Variants in ALCAM observed in about 807,000 individuals in gnomAD.
ALCAM encodes the protein CD166 antigen.
ALCAM carries 30 observed loss-of-function variants against 70.9 expected under a neutral mutation model. That is an observed-to-expected ratio of 0.42 (90% CI 0.32 to 0.57). The LOEUF (loss-of-function observed/expected upper bound fraction) is 0.57, where lower values mean the gene tolerates loss of function less well. Ranked by LOEUF, ALCAM falls within the 20% of genes least tolerant of loss-of-function variation. The pLI, the probability that ALCAM is intolerant of heterozygous loss-of-function variation, is 0.11. For missense variants in ALCAM, 591 were observed against 695.1 expected, an observed-to-expected ratio of 0.85 and a Z score of 1.68; for synonymous variants, 249 against 242.5, an observed-to-expected ratio of 1.03 and a Z score of -0.25.
At chr3:105,371,272 T>C (rs938880635) in intron 1 of ALCAM, among the ~76,000 whole-genome samples, 1 of 152,192 alleles carries the variant, frequency 6.6e-6, no homozygotes, top group African/African-American at 2.4e-5. Context: ...GTAAGAATGT[T>C]GTGACCTTGG....
chr3:105,524,469 GACA>G lies in ALCAM; in HGVS notation c.358_360del (p.Asn120del). On this transcript the variant is annotated inframe_deletion, in exon 3 of 16. Transcript: ENST00000306107. ...ATTTGTGTGCATGCTAGTAACTGAGGACAACGTGTTTGAGGCACCTACAATAGT... is the reference window on the plus strand; with the variant it reads ...ATTTGTGTGCATGCTAGTAACTGAGGACGTGTTTGAGGCACCTACAATAGT... 1 of 1,614,094 alleles carries G rather than the reference GACA, an allele frequency of 6.2e-7. No homozygotes were observed. Among genetic ancestry groups the G allele is most frequent in the Non-Finnish European group, 8.5e-7 (1 of 1,179,986 alleles).
chr3:105,449,122 A>G (rs1346401087), intron 1 of ALCAM, among the ~76,000 whole-genome samples: 1 of 152,236 alleles, frequency 6.6e-6, no homozygotes, highest in Non-Finnish European at 1.5e-5. Flanking sequence ...TTGCATATTT[A>G]CATATGAATA....
At chr3:105,459,160 T>A (rs1337375957) in intron 1 of ALCAM, among the ~76,000 whole-genome samples, 1 of 152,124 alleles carries the variant, frequency 6.6e-6, no homozygotes, top group Non-Finnish European at 1.5e-5. Context: ...TCCTCCAGAA[T>A]GCAGAATATT....
rs959602551 is a variant in ALCAM at position 105,424,931 on chromosome 3, T to C, written c.73+57450T>C. Among the ~76,000 whole-genome samples the C allele has an allele frequency of 2.0e-5, 3 of 151,798 alleles. No individual in the cohort carries two copies. The East Asian group carries it at 5.8e-4, about 29-fold the overall frequency. On this transcript the variant is annotated intron_variant, in intron 1 of 15. Transcript: ENST00000306107. ...AAATCAAAATGGAATACATGCTATG[T>C]GTCTGCCCTTGTGTTTAGCACCATG...
chr3:105,392,563 A>T (rs927317619), intron 1 of ALCAM, among the ~76,000 whole-genome samples: 1 of 150,822 alleles, frequency 6.6e-6, no homozygotes, highest in African/African-American at 2.4e-5. Context: ...GGGTTTTTTT[A>T]TGCCTCTATC....
At chr3:105,566,418 T>C (rs1940744932) in intron 14 of ALCAM, among the ~76,000 whole-genome samples, 1 of 152,240 alleles carries the variant, frequency 6.6e-6, no homozygotes, top group African/African-American at 2.4e-5. Flanking sequence ...TCCTTATATA[T>C]GAAACCTTTG....
At chr3:105,380,101 T>A (rs1935479956) in intron 1 of ALCAM, among the ~76,000 whole-genome samples, 1 of 151,820 alleles carries the variant, frequency 6.6e-6, no homozygotes, top group African/African-American at 2.4e-5. Context: ...TCTTTTAAAA[T>A]TACTCTGCCT....
intron 1 of ALCAM, among the ~76,000 whole-genome samples, chr3:105,380,518 A>G (rs1263553360): frequency 6.6e-6 from 1 of 151,872 alleles, no homozygotes; most frequent in Admixed American, 6.6e-5. Context: ...TCTAAGATTC[A>G]AAACTATATT....
At chr3:105,450,388 T>A (rs908473253) in intron 1 of ALCAM, among the ~76,000 whole-genome samples, 1 of 152,160 alleles carries the variant, frequency 6.6e-6, no homozygotes, top group Non-Finnish European at 1.5e-5. Context: ...CCACCTCCTT[T>A]ACCTTCTCAA....
intron 1 of ALCAM, among the ~76,000 whole-genome samples, chr3:105,423,389 T>A (rs1404945979): frequency 1.3e-5 from 2 of 151,262 alleles, no homozygotes; most frequent in Non-Finnish European, 3.0e-5. Context: ...TGACTTAACA[T>A]TAGGCTTAAT....
intron 1 of ALCAM, among the ~76,000 whole-genome samples, chr3:105,414,119 T>G (rs1054937033): frequency 6.6e-6 from 1 of 151,824 alleles, no homozygotes; most frequent in Non-Finnish European, 1.5e-5. Flanking sequence ...GCATAAATGG[T>G]CGAGTGCAGT....
chr3:105,382,508 T>C (rs779133408), intron 1 of ALCAM, among the ~76,000 whole-genome samples: 13 of 152,180 alleles, frequency 8.5e-5, no homozygotes, highest in Non-Finnish European at 1.2e-4. Context: ...ACCTGAGGAC[T>C]CCCCACACTG....
chr3:105,498,778 CTT>C (rs1464256793), intron 1 of ALCAM, among the ~76,000 whole-genome samples: 3 of 152,066 alleles, frequency 2.0e-5, no homozygotes, highest in African/African-American at 7.2e-5. Flanking sequence ...CAAATGAAAA[CTT>C]TAGTTTAACA....
At chr3:105,404,975 A>G (rs1346539952) in intron 1 of ALCAM, among the ~76,000 whole-genome samples, 2 of 152,122 alleles carry the variant, frequency 1.3e-5, no homozygotes, top group Non-Finnish European at 2.9e-5. Flanking sequence ...AAGCAACAGC[A>G]GTTAAAAAAG....
At chr3:105,449,467 G>C (rs781576179) in intron 1 of ALCAM, among the ~76,000 whole-genome samples, 3 of 152,196 alleles carry the variant, frequency 2.0e-5, no homozygotes, top group Non-Finnish European at 4.4e-5. Context: ...TAACTCAACT[G>C]TATAAATGAA....
intron 14 of ALCAM, among the ~76,000 whole-genome samples, chr3:105,571,190 A>AGTTTCT (rs1353076722): frequency 1.3e-5 from 2 of 152,148 alleles, no homozygotes; most frequent in Admixed American, 6.5e-5. Flanking sequence ...CCATCCCCAC[A>AGTTTCT]GTTTCTGTTT....
rs998502713 is a variant in ALCAM, at chr3:105,532,163, T to C, written c.459+97T>C. On this transcript the variant is annotated intron_variant, in intron 4 of 15. Transcript: ENST00000306107. ...AAGACAAGTAAGAAAGGCTTTGCTC[T>C]TGTGGAGATGACAGTGTTGCAGCTA... 1.6e-5 allele frequency: 17 copies of C among 1,046,860 alleles called. No homozygotes were observed. In the Admixed American group the frequency reaches 3.1e-4, roughly 19 times the overall value. 64.8% of individuals were successfully genotyped at this position (1,046,860 alleles called of 1,614,324 possible).
At chr3:105,400,030 T>C (rs1936050221) in intron 1 of ALCAM, among the ~76,000 whole-genome samples, 2 of 152,186 alleles carry the variant, frequency 1.3e-5, no homozygotes, top group South Asian at 4.1e-4. Context: ...TATTGTTATA[T>C]ACAGATTTTA....
intron 1 of ALCAM, among the ~76,000 whole-genome samples, chr3:105,499,914 G>T (rs1938872150): frequency 6.6e-6 from 1 of 152,152 alleles, no homozygotes; most frequent in African/African-American, 2.4e-5. Flanking sequence ...TTCACAATTA[G>T]ATTTTAGAAT....
Sources: gnomAD v4.1 joint callset for allele counts (sites outside exome capture counted in the v4.1 genomes callset) on GRCh38, gnomAD v4.1.1 for gene constraint, MANE v1.5 for transcripts, NCBI Gene and HGNC (gene_info 2026-07-23, HGNC 2026-07-21) for gene names.